The following PAIP1 variants were observed in gnomAD, a reference collection of about 807,000 sequenced individuals.
PAIP1 encodes the protein poly(A) binding protein interacting protein 1, also known as polyadenylate-binding protein-interacting protein 1.
Under a neutral mutation model 61.3 loss-of-function variants are expected in PAIP1, and 16 were observed. That is an observed-to-expected ratio of 0.26 (90% CI 0.18 to 0.40). The LOEUF (loss-of-function observed/expected upper bound fraction) is 0.40. PAIP1 is among the 10% of genes least tolerant of loss of function. The pLI is 1.00. For synonymous variants in PAIP1, 187 were observed against 226.2 expected (o/e 0.83, Z 1.56); for missense variants, 416 against 600.9 (o/e 0.69, Z 3.22).
At chr5:43,542,244 A>T (rs545232288) in intron 4 of PAIP1, among the ~76,000 whole-genome samples, 116 of 148,890 alleles carry the variant, frequency 7.8e-4, no homozygotes, top group African/African-American at 2.4e-3. Flanking sequence ...TAAAAATGAT[A>T]GCTTTTGGCA....
intron 3 of PAIP1, 118 bp from the exon 4 acceptor site, chr5:43,543,234 T>G: frequency 2.3e-6 from 1 of 441,734 alleles, no homozygotes; most frequent in South Asian, 5.2e-5. Flanking sequence ...TATATACAAG[T>G]CTTTTGTCAT....
chr5:43,552,785 C>T (rs747262887), intron 2 of PAIP1, among the ~76,000 whole-genome samples: 2 of 152,066 alleles, frequency 1.3e-5, no homozygotes, highest in Admixed American at 6.5e-5. Context: ...TAAAAAGGTA[C>T]CTTTGCACCT....
chr5:43,557,149 C>T, upstream of PAIP1: 1 of 318,826 alleles, frequency 3.1e-6, no homozygotes, highest in Non-Finnish European at 5.3e-6. Context: ...CGGCCCCCTG[C>T]GGCCCGGAGG....
At chr5:43,540,109 C>T (rs961222621) in intron 4 of PAIP1, among the ~76,000 whole-genome samples, 9 of 152,204 alleles carry the variant, frequency 5.9e-5, no homozygotes, top group African/African-American at 1.7e-4. Context: ...TTGCCAACCA[C>T]GAAACCCCAG....
chr5:43,533,890 A>T (rs11741521), intron 8 of PAIP1, 98 bp from the exon 9 acceptor site: 1 of 745,788 alleles, frequency 1.3e-6, no homozygotes. Flanking sequence ...GTCTGCACCT[A>T]ATAATGCAAG....
intron 9 of PAIP1, among the ~76,000 whole-genome samples, chr5:43,531,108 C>T (rs1275745061): frequency 6.6e-6 from 1 of 151,986 alleles, no homozygotes; most frequent in Non-Finnish European, 1.5e-5. Context: ...GGAATAGGGA[C>T]AGAGCACTTT....
At chr5:43,547,042 CAAAA>C (rs766493987) in intron 3 of PAIP1, among the ~76,000 whole-genome samples, 9 of 35,664 alleles carry the variant, frequency 2.5e-4, no homozygotes, top group South Asian at 2.4e-3. Context: ...GACTCCATAT[CAAAA>C]AAAAAAAAAA....
At chr5:43,540,128 A>G (rs1377370890) in intron 4 of PAIP1, among the ~76,000 whole-genome samples, 1 of 152,248 alleles carries the variant, frequency 6.6e-6, no homozygotes, top group African/African-American at 2.4e-5. Flanking sequence ...AGCACAGCTT[A>G]CTGTGCTTAC....
chr5:43,540,004 G>T (rs919097273), intron 4 of PAIP1, among the ~76,000 whole-genome samples: 4 of 152,128 alleles, frequency 2.6e-5, no homozygotes, highest in South Asian at 2.1e-4. Flanking sequence ...GGTACTGAAT[G>T]GTTTCCACGC....
intron 10 of PAIP1, among the ~76,000 whole-genome samples, chr5:43,528,309 A>C (rs1459881138): frequency 6.6e-6 from 1 of 152,202 alleles, no homozygotes; most frequent in Non-Finnish European, 1.5e-5. Context: ...GATTCTATCA[A>C]CATCTTCCCC....
intron 2 of PAIP1, among the ~76,000 whole-genome samples, chr5:43,555,431 G>C (rs1312322284): frequency 1.3e-5 from 2 of 152,166 alleles, no homozygotes; most frequent in Non-Finnish European, 2.9e-5. Flanking sequence ...TTTAAGAAAA[G>C]TGACTATTTT....
chr5:43,551,353 G>A (rs186362204), intron 2 of PAIP1, among the ~76,000 whole-genome samples: 121 of 152,160 alleles, frequency 8.0e-4, no homozygotes, highest in Middle Eastern at 3.4e-3. Flanking sequence ...CATTAACAAG[G>A]AATTGGTTAA....
chr5:43,536,205 T>C (rs1387142992), intron 6 of PAIP1, among the ~76,000 whole-genome samples: 2 of 152,170 alleles, frequency 1.3e-5, no homozygotes, highest in African/African-American at 4.8e-5. Flanking sequence ...TGGTTCAGCA[T>C]TTGGAAGGCA....
At chr5:43,547,634 T>C in intron 3 of PAIP1, 94 bp downstream of exon 3, 1 of 728,414 alleles carries the variant, frequency 1.4e-6, no homozygotes, top group Non-Finnish European at 2.3e-6. Flanking sequence ...TGGAGGCAGG[T>C]GATCATGAAT....
chr5:43,528,915 T>TA (rs1561226839), intron 10 of PAIP1, among the ~76,000 whole-genome samples: 1 of 152,066 alleles, frequency 6.6e-6, no homozygotes, highest in African/African-American at 2.4e-5. Flanking sequence ...GGTAAGTGAG[T>TA]AATATGTTTA....
At chr5:43,536,689 GAAAA>G in intron 6 of PAIP1, 126 bp downstream of exon 6, 1 of 493,998 alleles carries the variant, frequency 2.0e-6, no homozygotes, top group East Asian at 3.4e-5. Flanking sequence ...AAATATTCGA[GAAAA>G]AAGTAAAATG....
intron 2 of PAIP1, among the ~76,000 whole-genome samples, chr5:43,551,334 G>GT (rs1747859019): frequency 6.6e-6 from 1 of 152,024 alleles, no homozygotes; most frequent in Non-Finnish European, 1.5e-5. Flanking sequence ...AAAAATCCAC[G>GT]TAACAATCCA....
chr5:43,554,876 C>A (rs1313404823), intron 2 of PAIP1, among the ~76,000 whole-genome samples: 1 of 152,118 alleles, frequency 6.6e-6, no homozygotes, highest in Non-Finnish European at 1.5e-5. Flanking sequence ...ACAAAATGTG[C>A]CCTATTCATA....
intron 8 of PAIP1, 133 bp downstream of exon 8, chr5:43,534,720 C>G (rs1276923998): frequency 4.8e-6 from 3 of 623,928 alleles, no homozygotes; most frequent in African/African-American, 1.8e-5. Flanking sequence ...AGTCTGATGG[C>G]TGCCATGTCA....
Sources: gnomAD v4.1 joint callset for allele counts (sites outside exome capture counted in the v4.1 genomes callset) on GRCh38, gnomAD v4.1.1 for gene constraint, MANE v1.5 for transcripts, NCBI Gene and HGNC (gene_info 2026-07-23, HGNC 2026-07-21) for gene names.